The following CDH4 variants were observed in gnomAD, a reference collection of about 807,000 sequenced individuals.
CDH4 encodes the protein cadherin-4.
CDH4 carries 33 observed loss-of-function variants against 86.0 expected under a neutral mutation model. The ratio of observed to expected loss-of-function variants is 0.38; its 90% confidence interval spans 0.29 to 0.51. The LOEUF (loss-of-function observed/expected upper bound fraction) is 0.51, where lower values mean the gene tolerates loss of function less well. Among genes scored for constraint, CDH4 ranks in the 20% least tolerant of loss-of-function variants. CDH4 has a pLI of 0.86. For synonymous variants in CDH4, 555 were observed against 549.4 expected (o/e 1.01, Z -0.14); for missense variants, 1,114 against 1,307.4 (o/e 0.85, Z 2.28).
chr20:61,358,560 C>T lies in CDH4; in HGVS notation c.169+103623C>T, dbSNP rs187310063. On this transcript the variant is annotated intron_variant, in intron 2 of 15. Transcript: ENST00000614565. ...GTCTAAATGAGGACAATTTAAATAT[C>T]AGCATTATTCTGCTAATTAGTAAAA... 3.6e-3 allele frequency among the ~76,000 whole-genome samples: 541 copies of T among 152,316 alleles called. 1 individual carries two copies. The highest frequency in any genetic ancestry group is 0.012 in the African/African-American group (506 of 41,574).
Position 61,754,737 on chromosome 20 carries a change from C to A in CDH4, c.396+10948C>A, listed in dbSNP as rs528542892. On this transcript the variant is annotated intron_variant, in intron 3 of 15. Transcript: ENST00000614565. This position sits in a 1 kb window ranked among gnomAD's most constrained non-coding sequence, Gnocchi z 4.7. ...CCGCACACACACTGCACGCCCCGCACACACTATGCACACCACACACACAGT... is the reference window on the plus strand; with the variant it reads ...CCGCACACACACTGCACGCCCCGCAAACACTATGCACACCACACACACAGT... 6.4e-4 allele frequency among the ~76,000 whole-genome samples: 97 copies of A among 150,574 alleles called. No individual in the cohort carries two copies. Among genetic ancestry groups the A allele is most frequent in the Non-Finnish European group, 1.2e-3 (80 of 67,618 alleles).
rs565104465 is a variant in CDH4 at position 61,872,485 on chromosome 20, C to G, written c.878-1243C>G. On this transcript the variant is annotated intron_variant, in intron 6 of 15. Transcript: ENST00000614565. ...ACACGGGAACGAGCACCTCGGGTCT[C>G]TCTGAGACTGCCACCCCGCACCTGG... 3.9e-5 allele frequency among the ~76,000 whole-genome samples: 6 copies of G among 152,134 alleles called. No individual in the cohort carries two copies. The East Asian group carries it at 1.2e-3, about 30-fold the overall frequency.
At chr20:61,538,164 C>A (rs2086012001) in intron 2 of CDH4, among the ~76,000 whole-genome samples, 1 of 152,212 alleles carries the variant, frequency 6.6e-6, no homozygotes, top group Non-Finnish European at 1.5e-5. Context: ...AGCCCACACA[C>A]CCATTTGTCT....
Position 61,333,407 on chromosome 20 carries a change from C to T in CDH4, c.169+78470C>T, listed in dbSNP as rs536645167. Among the ~76,000 whole-genome samples the T allele has an allele frequency of 2.0e-5, 3 of 152,310 alleles. No individual in the cohort carries two copies. In the South Asian group the frequency reaches 6.2e-4, roughly 32 times the overall value. On this transcript the variant is annotated intron_variant, in intron 2 of 15. Coordinates refer to ENST00000614565, the MANE Select transcript of CDH4 (RefSeq NM_001794.5). ...GGGGTGCGGGTTGTCAATGTGGCTC[C>T]TGAAGCTCTGGCTTAATGAGACCCC...
chr20:61,606,621 C>T lies in CDH4; in HGVS notation c.170-136942C>T, dbSNP rs117685042. On this transcript the variant is annotated intron_variant, in intron 2 of 15. Transcript: ENST00000614565. ...CCCAGGAAGTGGGCAGATTTGCTGC[C>T]TCCTGGTGTGGCCTCAGTGGCCTGT... Among the ~76,000 whole-genome samples, 67 of 152,376 alleles carry T rather than the reference C, an allele frequency of 4.4e-4. No individual in the cohort carries two copies. The East Asian group carries it at 0.011, about 25-fold the overall frequency.
intron 4 of CDH4, among the ~76,000 whole-genome samples, chr20:61,783,111 C>A (rs528019805): frequency 6.6e-6 from 1 of 152,144 alleles, no homozygotes; most frequent in Non-Finnish European, 1.5e-5. Flanking sequence ...TTTATATATG[C>A]GTCAATGAAA....
chr20:61,568,728 C>T (rs541247784), intron 2 of CDH4, among the ~76,000 whole-genome samples: 42 of 152,310 alleles, frequency 2.8e-4, no homozygotes, highest in Middle Eastern at 3.4e-3. Flanking sequence ...GCTCAGACAC[C>T]GCCTTTTAAT....
At chr20:61,737,942 G>C (rs2088285307) in intron 2 of CDH4, among the ~76,000 whole-genome samples, 1 of 152,206 alleles carries the variant, frequency 6.6e-6, no homozygotes, top group African/African-American at 2.4e-5. Flanking sequence ...AGGGCTGCTG[G>C]TGCACACCCG....
chr20:61,288,180 G>C (rs911566001), intron 2 of CDH4, among the ~76,000 whole-genome samples: 1 of 139,786 alleles, frequency 7.2e-6, no homozygotes, highest in Non-Finnish European at 1.5e-5. Context: ...TTTGGGCACA[G>C]GATCCAGTTA....
At chr20:61,439,222 G>A (rs960204159) in intron 2 of CDH4, among the ~76,000 whole-genome samples, 4 of 152,310 alleles carry the variant, frequency 2.6e-5, no homozygotes, top group Admixed American at 2.0e-4. Context: ...CAAGAAGGGT[G>A]TTGCGGTGTG....
intron 2 of CDH4, among the ~76,000 whole-genome samples, chr20:61,403,626 T>C (rs942247408): frequency 1.3e-5 from 2 of 152,190 alleles, no homozygotes; most frequent in Non-Finnish European, 2.9e-5. Context: ...TGTTTCTGCC[T>C]GGACCTCAGG....
rs888153200 is a variant in CDH4, at chr20:61,337,621, A to G, written c.169+82684A>G. 6.6e-5 allele frequency among the ~76,000 whole-genome samples: 10 copies of G among 152,180 alleles called. No homozygotes were observed. The South Asian group carries it at 1.5e-3, about 22-fold the overall frequency. ...TCAGTATTTCCTTAAAGAGTTTTGC[A>G]TGTGTCCATTTCCAAAGCCTCTCCC... is the stretch of plus-strand genomic sequence containing the variant. On this transcript the variant is annotated intron_variant, in intron 2 of 15. Coordinates refer to ENST00000614565, the MANE Select transcript of CDH4 (RefSeq NM_001794.5).
At position 61,815,353 on chromosome 20, in the gene CDH4, G is replaced by T. The variant is rs2146054026; in HGVS notation, c.577-29315G>T. 2.0e-5 allele frequency among the ~76,000 whole-genome samples: 3 copies of T among 152,324 alleles called. No individual in the cohort carries two copies. In the South Asian group the frequency reaches 6.2e-4, roughly 32 times the overall value. Reference sequence around the variant, plus strand: ...TGTACGATGCTTTGTGCCCACGAAGGATTTGCCCAGGCTTAGTGGCCTCTG... The same window carrying T: ...TGTACGATGCTTTGTGCCCACGAAGTATTTGCCCAGGCTTAGTGGCCTCTG... On this transcript the variant is annotated intron_variant, in intron 4 of 15. Coordinates refer to ENST00000614565, the MANE Select transcript of CDH4 (RefSeq NM_001794.5).
intron 2 of CDH4, among the ~76,000 whole-genome samples, chr20:61,591,003 G>A (rs552029589): frequency 6.6e-6 from 1 of 152,260 alleles, no homozygotes; most frequent in East Asian, 1.9e-4. Flanking sequence ...AGAGGCCCAG[G>A]GAGATGGCTA....
At chr20:61,667,293 T>C (rs1004774144) in intron 2 of CDH4, among the ~76,000 whole-genome samples, 1 of 152,218 alleles carries the variant, frequency 6.6e-6, no homozygotes, top group Non-Finnish European at 1.5e-5. Flanking sequence ...GAGCCCTCGA[T>C]GCACATCCCG....
chr20:61,549,209 T>C (rs1469518433), intron 2 of CDH4, among the ~76,000 whole-genome samples: 1 of 152,166 alleles, frequency 6.6e-6, no homozygotes, highest in African/African-American at 2.4e-5. Flanking sequence ...GACCCCAAGG[T>C]TGAACCAATA....
chr20:61,648,321 G>C (rs1365223261), intron 2 of CDH4, among the ~76,000 whole-genome samples: 1 of 152,226 alleles, frequency 6.6e-6, no homozygotes, highest in African/African-American at 2.4e-5. Context: ...CGCAGCTGGT[G>C]ATTATCAGAG....
chr20:61,668,190 T>C (rs2087348100), intron 2 of CDH4, among the ~76,000 whole-genome samples: 1 of 152,226 alleles, frequency 6.6e-6, no homozygotes, highest in Non-Finnish European at 1.5e-5. Flanking sequence ...GCTTTTATGC[T>C]GTGTGCGCCC....
At chr20:61,635,232 C>A (rs1008818755) in intron 2 of CDH4, among the ~76,000 whole-genome samples, 1 of 152,216 alleles carries the variant, frequency 6.6e-6, no homozygotes, top group Non-Finnish European at 1.5e-5. Flanking sequence ...TCCACAGGGG[C>A]CTCACGGTTC....
Sources: gnomAD v4.1 joint callset for allele counts (sites outside exome capture counted in the v4.1 genomes callset) on GRCh38, gnomAD v4.1.1 for gene constraint, Gnocchi (gnomAD v3.1) non-coding constraint, MANE v1.5 for transcripts, NCBI Gene and HGNC (gene_info 2026-07-23, HGNC 2026-07-21) for gene names.